The following EIPR1 variants were observed in gnomAD, a reference collection of about 807,000 sequenced individuals.
EIPR1 encodes EARP complex and GARP complex interacting protein 1.
A neutral mutation model predicts 48.1 loss-of-function variants in EIPR1; 25 were observed. That is an observed-to-expected ratio of 0.52 (90% CI 0.38 to 0.73). EIPR1 has a LOEUF of 0.73. EIPR1 is among the 30% of genes least tolerant of loss of function. The pLI is 0.00. For synonymous variants in EIPR1, 204 were observed against 201.9 expected, an observed-to-expected ratio of 1.01 and a Z score of -0.09; for missense variants, 415 against 506.2, an observed-to-expected ratio of 0.82 and a Z score of 1.73.
At chr2:3,242,511 T>C (rs1250559944) in intron 4 of EIPR1, among the ~76,000 whole-genome samples, 3 of 131,872 alleles carry the variant, frequency 2.3e-5, no homozygotes, top group South Asian at 5.0e-4. Context: ...GGCCTCCGAC[T>C]CCACACCCAC....
intron 4 of EIPR1, among the ~76,000 whole-genome samples, chr2:3,227,324 C>T (rs1372632433): frequency 6.6e-6 from 1 of 152,060 alleles, no homozygotes; most frequent in African/African-American, 2.4e-5. Context: ...TGAGGTGGTC[C>T]GATATGGAGA....
intron 3 of EIPR1, among the ~76,000 whole-genome samples, chr2:3,278,853 C>T (rs557435567): frequency 2.9e-4 from 44 of 152,278 alleles, no homozygotes; most frequent in African/African-American, 9.9e-4. Flanking sequence ...GGGAGGAGGT[C>T]ACGGGGGGCA....
intron 3 of EIPR1, among the ~76,000 whole-genome samples, chr2:3,271,173 T>C (rs987709032): frequency 1.3e-5 from 2 of 152,220 alleles, no homozygotes; most frequent in South Asian, 4.1e-4. Context: ...ATTCAAGTTC[T>C]CTTGCTATTT....
chr2:3,269,599 AATC>A (rs1667632950), intron 3 of EIPR1, among the ~76,000 whole-genome samples: 1 of 47,248 alleles, frequency 2.1e-5, no homozygotes, highest in African/African-American at 1.2e-4. Flanking sequence ...CATCGCACTC[AATC>A]GCACTCAATC....
chr2:3,224,600 G>A (rs757971901), intron 4 of EIPR1, among the ~76,000 whole-genome samples: 10 of 152,146 alleles, frequency 6.6e-5, no homozygotes, highest in Admixed American at 3.3e-4. Flanking sequence ...AGGCAGCCCC[G>A]TGTGAAAGTT....
chr2:3,324,677 A>G lies in EIPR1; in HGVS notation c.259+13340T>C, dbSNP rs529389405. 3.3e-5 allele frequency among the ~76,000 whole-genome samples: 5 copies of G among 152,380 alleles called. No individual in the cohort carries two copies. In the South Asian group the frequency reaches 1.0e-3, roughly 32 times the overall value. ...TCGTCACTCTAATAATCAGTCTCTCAGGACGTCCTCAACTCTGGTCAGTGG... is the reference window on the plus strand; with the variant it reads ...TCGTCACTCTAATAATCAGTCTCTCGGGACGTCCTCAACTCTGGTCAGTGG... On this transcript the variant is annotated intron_variant, in intron 3 of 8. Coordinates refer to ENST00000382125, the MANE Select transcript of EIPR1 (RefSeq NM_003310.5).
At chr2:3,327,241 T>C (rs949097087) in intron 3 of EIPR1, among the ~76,000 whole-genome samples, 15 of 152,344 alleles carry the variant, frequency 9.8e-5, no homozygotes, top group African/African-American at 3.6e-4. Context: ...TGGAGTGCAG[T>C]GGCATGATCT....
intron 3 of EIPR1, among the ~76,000 whole-genome samples, chr2:3,326,326 T>C (rs1284371534): frequency 6.6e-6 from 1 of 152,132 alleles, no homozygotes; most frequent in Non-Finnish European, 1.5e-5. Context: ...GGTCCGGGAT[T>C]GGAGAGCCGG....
chr2:3,287,448 G>A (rs772398138), intron 3 of EIPR1, among the ~76,000 whole-genome samples: 11 of 87,638 alleles, frequency 1.3e-4, no homozygotes, highest in South Asian at 4.1e-4. Flanking sequence ...TCCAGAAAGC[G>A]CGTTCACCAC....
At chr2:3,298,541 T>C (rs950332872) in intron 3 of EIPR1, 9 of 151,902 alleles carry the variant, frequency 5.9e-5, no homozygotes, top group Non-Finnish European at 1.3e-4. Context: ...ACGATCTCGA[T>C]GGTGTTGGTA....
chr2:3,306,824 AC>A (rs530336549), intron 3 of EIPR1, among the ~76,000 whole-genome samples: 3 of 151,258 alleles, frequency 2.0e-5, no homozygotes, highest in Non-Finnish European at 4.4e-5. Context: ...GCGTAAGTGG[AC>A]CCCCCCAGTC....
intron 1 of EIPR1, among the ~76,000 whole-genome samples, chr2:3,365,915 G>C (rs1030746434): frequency 1.4e-5 from 2 of 140,852 alleles, no homozygotes; most frequent in African/African-American, 2.5e-5. Context: ...TTTCTCAGGT[G>C]GGGGAGTCAG....
intron 4 of EIPR1, among the ~76,000 whole-genome samples, chr2:3,240,492 A>C (rs1244920953): frequency 5.0e-5 from 7 of 138,960 alleles, no homozygotes; most frequent in African/African-American, 8.0e-5. Flanking sequence ...GATCCCTCCT[A>C]AAGCAAAGCC....
intron 3 of EIPR1, chr2:3,319,419 G>C (rs1016006352): frequency 1.7e-5 from 3 of 178,198 alleles, no homozygotes; most frequent in African/African-American, 7.1e-5. Context: ...AGCACTCGAT[G>C]GGAGCTGTCA....
At chr2:3,270,451 GT>G (rs1667672193) in intron 3 of EIPR1, among the ~76,000 whole-genome samples, 1 of 152,182 alleles carries the variant, frequency 6.6e-6, no homozygotes, top group Admixed American at 6.5e-5. Context: ...TAAGATCTGT[GT>G]TTCCTCCCTG....
intron 5 of EIPR1, among the ~76,000 whole-genome samples, chr2:3,197,943 C>A (rs1664866748): frequency 6.6e-6 from 1 of 152,166 alleles, no homozygotes; most frequent in Non-Finnish European, 1.5e-5. Context: ...CTAGACAGGC[C>A]GTGAGAGGCC....
chr2:3,372,479 C>T lies in EIPR1; in HGVS notation c.42+5169G>A, dbSNP rs959154271. Among the ~76,000 whole-genome samples the T allele has an allele frequency of 4.4e-4, 67 of 151,726 alleles. 1 individual carries two copies. The East Asian group carries it at 0.01, about 24-fold the overall frequency. Reference sequence around the variant, plus strand: ...GAAAGGATCAACAAAATTGATAGACCGCTAGCAAGACTAATAAAGAAAAAA... The same window carrying T: ...GAAAGGATCAACAAAATTGATAGACTGCTAGCAAGACTAATAAAGAAAAAA... On this transcript the variant is annotated intron_variant, in intron 1 of 8. Coordinates refer to ENST00000382125, the MANE Select transcript of EIPR1 (RefSeq NM_003310.5).
chr2:3,288,164 G>A (rs1256442854), intron 3 of EIPR1, among the ~76,000 whole-genome samples: 1 of 152,194 alleles, frequency 6.6e-6, no homozygotes, highest in Middle Eastern at 3.2e-3. Flanking sequence ...CCGCCACCTG[G>A]GGCCTTGGCA....
In EIPR1 at chr2:3,340,551, G is replaced by A. The variant is rs1670207980; in HGVS notation, c.127-2402C>T. On this transcript the variant is annotated intron_variant, in intron 2 of 8. Transcript: ENST00000382125. ...ACTCTTTTTCCTTTCCACACCCAAG[G>A]AAAGTTTACTTATGAACAGTTTTTT... Among the ~76,000 whole-genome samples the A allele has an allele frequency of 3.9e-5, 6 of 152,144 alleles. No individual in the cohort carries two copies. The South Asian group carries it at 1.2e-3, about 32-fold the overall frequency.
Sources: allele counts gnomAD v4.1 joint callset (sites outside exome capture counted in the v4.1 genomes callset), GRCh38; gene constraint gnomAD v4.1.1; transcripts MANE v1.5; gene names NCBI Gene and HGNC (gene_info 2026-07-23, HGNC 2026-07-21).